The following LARGE1 variants were observed in gnomAD, a reference collection of about 807,000 sequenced individuals.
LARGE1 encodes LARGE xylosyl- and glucuronyltransferase 1.
Under a neutral mutation model 87.6 loss-of-function variants are expected in LARGE1, and 43 were observed. The ratio of observed to expected loss-of-function variants is 0.49; its 90% CI spans 0.38 to 0.63. The LOEUF is 0.63. Ranked by LOEUF, LARGE1 falls within the 30% of genes least tolerant of loss-of-function variation. The pLI is 0.00. For synonymous variants in LARGE1, 434 were observed against 394.6 expected (o/e 1.10, Z -1.18); for missense variants, 802 against 1,000.2 (o/e 0.80, Z 2.67).
At chr22:33,582,816 A>T (rs1034140905) in intron 5 of LARGE1, among the ~76,000 whole-genome samples, 1 of 152,238 alleles carries the variant, frequency 6.6e-6, no homozygotes, top group Admixed American at 6.5e-5. Context: ...TTAGGTCAAG[A>T]GCATCCTCAT....
chr22:33,780,242 C>T (rs1487114117), intron 1 of LARGE1, among the ~76,000 whole-genome samples: 2 of 152,220 alleles, frequency 1.3e-5, no homozygotes, highest in African/African-American at 2.4e-5. Context: ...GCAACAACCC[C>T]ATTTCCAAAT....
chr22:33,496,019 G>A (rs899200666), intron 6 of LARGE1, among the ~76,000 whole-genome samples: 1 of 152,174 alleles, frequency 6.6e-6, no homozygotes, highest in Non-Finnish European at 1.5e-5. Flanking sequence ...ACAATCACAA[G>A]TTGAGGTCCC....
At chr22:33,606,579 C>T (rs1049937312) in intron 4 of LARGE1, among the ~76,000 whole-genome samples, 1 of 152,094 alleles carries the variant, frequency 6.6e-6, no homozygotes, top group Non-Finnish European at 1.5e-5. Flanking sequence ...CTCAGTTTCC[C>T]GCCCCCTACC....
intron 1 of LARGE1, among the ~76,000 whole-genome samples, chr22:33,798,308 C>A (rs939966816): frequency 6.6e-6 from 1 of 151,996 alleles, no homozygotes; most frequent in Admixed American, 6.6e-5. Context: ...ATCAATCAAT[C>A]AATCAATCAA....
chr22:33,131,687 C>A, the LARGE1 span, among the ~76,000 whole-genome samples: 443 of 152,296 alleles, frequency 2.9e-3, 5 homozygotes, highest in Middle Eastern at 3.4e-3. Flanking sequence ...ATGGGAAAGA[C>A]CCACCCCCAA....
chr22:33,261,457 G>T (rs1927621499), intron 11 of LARGE1, among the ~76,000 whole-genome samples: 1 of 152,042 alleles, frequency 6.6e-6, no homozygotes, highest in Non-Finnish European at 1.5e-5. Flanking sequence ...AGGCACGTGG[G>T]CCATTTTTCT....
At chr22:33,632,422 T>C (rs967707760) in intron 3 of LARGE1, among the ~76,000 whole-genome samples, 3 of 152,152 alleles carry the variant, frequency 2.0e-5, no homozygotes, top group African/African-American at 4.8e-5. Flanking sequence ...CCGTGCCTGG[T>C]TGAGTCTGAC....
chr22:33,804,485 C>T (rs750915551), intron 1 of LARGE1, among the ~76,000 whole-genome samples: 12 of 152,174 alleles, frequency 7.9e-5, no homozygotes, highest in South Asian at 2.1e-4. Flanking sequence ...CTGCTTGAGA[C>T]GCACATATCA....
the LARGE1 span, among the ~76,000 whole-genome samples, chr22:33,089,835 C>G: frequency 1.3e-5 from 2 of 152,092 alleles, no homozygotes; most frequent in South Asian, 4.1e-4. Context: ...GAAGAACTTC[C>G]TCTTAAGAAG....
intron 12 of LARGE1, among the ~76,000 whole-genome samples, 165 bp from the exon 13 acceptor site, chr22:33,283,513 C>T (rs888141698): frequency 8.5e-5 from 13 of 152,250 alleles, no homozygotes; most frequent in Admixed American, 3.3e-4. Context: ...CGATGGCTCA[C>T]GTCTGTAATC....
chr22:33,128,289 G>T, the LARGE1 span, among the ~76,000 whole-genome samples: 1 of 152,142 alleles, frequency 6.6e-6, no homozygotes, highest in South Asian at 2.1e-4. Context: ...TTATTATAAA[G>T]ATACATGCGT....
chr22:33,751,438 T>C lies in LARGE1; in HGVS notation c.106+9933A>G, dbSNP rs193199726. ...GAGCAGAGGTTTCAGTGAGCAAAGA[T>C]TGTGCCACTGCGCTCCAGCCTGGGA... is the stretch of plus-strand genomic sequence containing the variant. On this transcript the variant is annotated intron_variant, in intron 2 of 14. Coordinates refer to ENST00000397394, the MANE Select transcript of LARGE1 (RefSeq NM_133642.5). Among the ~76,000 whole-genome samples the C allele has an allele frequency of 3.0e-3, 454 of 151,664 alleles. 1 individual carries two copies. The highest frequency in any genetic ancestry group is 9.2e-3 in the African/African-American group (380 of 41,302).
At chr22:33,299,310 T>G (rs1220911611) in intron 12 of LARGE1, among the ~76,000 whole-genome samples, 403 of 96,696 alleles carry the variant, frequency 4.2e-3, no homozygotes, top group African/African-American at 5.5e-3. Flanking sequence ...AGGAAAGGAG[T>G]GGAGGGGAGG....
At chr22:33,351,435 C>T (rs760516301) in intron 9 of LARGE1, among the ~76,000 whole-genome samples, 5 of 152,142 alleles carry the variant, frequency 3.3e-5, no homozygotes, top group African/African-American at 4.8e-5. Context: ...ATTTTTAGTG[C>T]ATTTCATAAT....
intron 5 of LARGE1, among the ~76,000 whole-genome samples, chr22:33,580,189 G>A (rs951280049): frequency 1.3e-5 from 2 of 152,074 alleles, no homozygotes; most frequent in African/African-American, 4.8e-5. Context: ...TGACCAACAC[G>A]GAGAAATCCC....
intron 1 of LARGE1, among the ~76,000 whole-genome samples, chr22:33,842,860 C>G (rs1422908345): frequency 6.6e-6 from 1 of 152,138 alleles, no homozygotes; most frequent in East Asian, 1.9e-4. Flanking sequence ...GAGAATGTCT[C>G]CAGCATTTTA....
intron 10 of LARGE1, among the ~76,000 whole-genome samples, chr22:33,328,472 C>T (rs150533105): frequency 2.0e-5 from 3 of 151,856 alleles, no homozygotes; most frequent in Non-Finnish European, 4.4e-5. Flanking sequence ...CCCAGCTACT[C>T]GAGAGGCTGA....
intron 6 of LARGE1, among the ~76,000 whole-genome samples, chr22:33,459,944 T>C (rs2068305534): frequency 6.6e-6 from 1 of 152,218 alleles, no homozygotes; most frequent in Non-Finnish European, 1.5e-5. Context: ...AATGGGCAGA[T>C]AAGTGGATGG....
chr22:33,800,940 T>A (rs1601648170), intron 1 of LARGE1, among the ~76,000 whole-genome samples: 1 of 152,194 alleles, frequency 6.6e-6, no homozygotes, highest in Admixed American at 6.5e-5. Context: ...TTTGGCTGTG[T>A]CCCCACCCAA....
Sources: gnomAD v4.1 joint callset for allele counts (sites outside exome capture counted in the v4.1 genomes callset) on GRCh38, gnomAD v4.1.1 for gene constraint, MANE v1.5 for transcripts, NCBI Gene and HGNC (gene_info 2026-07-23, HGNC 2026-07-21) for gene names.